Variants in KCNU1 observed in about 807,000 individuals in gnomAD.
KCNU1 encodes the protein potassium channel subfamily U member 1.
A neutral mutation model predicts 126.8 loss-of-function variants in KCNU1; 93 were observed. The ratio of observed to expected loss-of-function variants is 0.73; its 90% CI spans 0.62 to 0.87. The LOEUF (loss-of-function observed/expected upper bound fraction) is 0.87, where lower values mean the gene tolerates loss of function less well. Ranked by LOEUF, KCNU1 falls within the 40% of genes least tolerant of loss-of-function variation. The probability of loss-of-function intolerance (pLI) is 0.00; values close to 1 mark genes in which losing one functional copy is unlikely to be tolerated. For synonymous variants in KCNU1, 523 were observed against 494.2 expected, an observed-to-expected ratio of 1.06 and a Z score of -0.77; for missense variants, 1,330 against 1,367.1, an observed-to-expected ratio of 0.97 and a Z score of 0.43.
At chr8:36,793,286 T>C (rs1802969890) in intron 2 of KCNU1, among the ~76,000 whole-genome samples, 1 of 152,032 alleles carries the variant, frequency 6.6e-6, no homozygotes, top group Non-Finnish European at 1.5e-5. Flanking sequence ...CACACCAACG[T>C]GGCACATGTA....
intron 19 of KCNU1, among the ~76,000 whole-genome samples, chr8:36,883,464 G>T (rs187402649): frequency 6.6e-6 from 1 of 152,132 alleles, no homozygotes; most frequent in Admixed American, 6.6e-5. Flanking sequence ...ATTTCTCCTT[G>T]TTGTGCTTTG....
intron 3 of KCNU1, among the ~76,000 whole-genome samples, chr8:36,804,685 T>G (rs963116715): frequency 1.3e-5 from 2 of 152,184 alleles, no homozygotes; most frequent in African/African-American, 4.8e-5. Context: ...TAAAATGGAA[T>G]TGGGATTGCA....
chr8:36,845,686 A>G lies in KCNU1; in HGVS notation c.1793+17A>G. 1 of 1,564,392 alleles carries G rather than the reference A, an allele frequency of 6.4e-7. No homozygotes were observed. The highest frequency in any genetic ancestry group is 8.8e-7 in the Non-Finnish European group (1 of 1,134,940). On this transcript the variant is annotated intron_variant, in intron 17 of 26. Transcript: ENST00000399881. ...CGTCAGAAGGTAATTTTATTATTTT[A>G]TGGGGGAAAAGCACTAAAGCAACTA...
intron 10 of KCNU1, among the ~76,000 whole-genome samples, chr8:36,826,039 C>A (rs1804307184): frequency 6.6e-6 from 1 of 151,924 alleles, no homozygotes; most frequent in African/African-American, 2.4e-5. Flanking sequence ...TGTCTTTGAT[C>A]ATTTCTGGAG....
At chr8:36,801,857 C>A (rs879914465) in intron 2 of KCNU1, among the ~76,000 whole-genome samples, 1 of 151,974 alleles carries the variant, frequency 6.6e-6, no homozygotes. Flanking sequence ...CACCTGTAAT[C>A]CCAGCACTTG....
At chr8:36,915,378 G>A (rs908170571) in intron 22 of KCNU1, among the ~76,000 whole-genome samples, 5 of 152,114 alleles carry the variant, frequency 3.3e-5, no homozygotes, top group Non-Finnish European at 2.9e-5. Flanking sequence ...TGTGATCTTG[G>A]GCATGGTATG....
intron 1 of KCNU1, among the ~76,000 whole-genome samples, 184 bp downstream of exon 1, chr8:36,784,789 C>T (rs972742341): frequency 6.6e-6 from 1 of 152,184 alleles, no homozygotes; most frequent in Non-Finnish European, 1.5e-5. Context: ...CCTGAAGAGA[C>T]AGGGCCAAGC....
At chr8:36,806,224 T>A in intron 4 of KCNU1, 45 bp from the exon 5 acceptor site, 2 of 1,277,202 alleles carry the variant, frequency 1.6e-6, no homozygotes, top group East Asian at 4.8e-5. Context: ...CACTTAAAAT[T>A]CTTGAGGGTA....
At chr8:36,891,914 T>C (rs915721245) in intron 19 of KCNU1, among the ~76,000 whole-genome samples, 2 of 152,124 alleles carry the variant, frequency 1.3e-5, no homozygotes, top group African/African-American at 4.8e-5. Flanking sequence ...TCTGAACAAT[T>C]TGATTATGGT....
intron 10 of KCNU1, among the ~76,000 whole-genome samples, chr8:36,824,485 ATGG>A (rs1804244077): frequency 6.6e-6 from 1 of 152,164 alleles, no homozygotes; most frequent in Non-Finnish European, 1.5e-5. Flanking sequence ...TATAGGAAAA[ATGG>A]TACTGTATAT....
chr8:36,854,183 G>C (rs1585464261), intron 18 of KCNU1, among the ~76,000 whole-genome samples: 1 of 152,172 alleles, frequency 6.6e-6, no homozygotes, highest in Admixed American at 6.5e-5. Flanking sequence ...GATTATGACA[G>C]GTCTCCATGT....
intron 2 of KCNU1, among the ~76,000 whole-genome samples, chr8:36,790,708 C>G (rs1365603655): frequency 1.3e-5 from 2 of 152,102 alleles, no homozygotes; most frequent in Non-Finnish European, 2.9e-5. Context: ...ACCACCCTCC[C>G]TTTTTGCCCC....
chr8:36,918,946 T>A (rs559422834), intron 23 of KCNU1, 49 bp downstream of exon 23: 1 of 1,158,274 alleles, frequency 8.6e-7, no homozygotes, highest in East Asian at 2.3e-5. Context: ...TTTTGTGATA[T>A]ATAATTTATG....
In KCNU1 at chr8:36,879,238, T is replaced by TATATATAC. The variant is rs1216880068; in HGVS notation, c.2009+14718_2009+14719insTATATACA. 2.2e-4 allele frequency among the ~76,000 whole-genome samples: 30 copies of TATATATAC among 139,324 alleles called. No individual in the cohort carries two copies. The South Asian group carries it at 3.7e-3, about 17-fold the overall frequency. 91.4% of individuals were successfully genotyped at this position (139,324 alleles called of 152,430 possible). A position where few individuals can be genotyped will look rare whatever the true frequency, so the allele number is the denominator to read the frequency against. On this transcript the variant is annotated intron_variant, in intron 19 of 26. Coordinates refer to ENST00000399881, the MANE Select transcript of KCNU1 (RefSeq NM_001031836.3). ...ATATATATATATATATATATATATA[T>TATATATAC]ACACACACATATATGAAATATATGA...
rs114913360 is a variant in KCNU1, at chr8:36,817,128, G to A, written c.996-522G>A. The stretch of plus-strand genomic sequence containing the variant: ...ATGTTTGGCTTCATATTCTACTTGA[G>A]ATGAGATAGAAGACTGTGGATATCT... On this transcript the variant is annotated intron_variant, in intron 9 of 26. Coordinates refer to ENST00000399881, the MANE Select transcript of KCNU1 (RefSeq NM_001031836.3). Among the ~76,000 whole-genome samples the A allele has an allele frequency of 2.0e-3, 309 of 152,262 alleles. 5 individuals carry two copies. The highest frequency in any genetic ancestry group is 6.0e-3 in the African/African-American group (249 of 41,550).
intron 26 of KCNU1, 48 bp from the exon 27 acceptor site, chr8:36,935,467 A>G (rs960996775): frequency 6.7e-7 from 1 of 1,495,702 alleles, no homozygotes; most frequent in African/African-American, 1.4e-5. Context: ...CTGTTGCCAC[A>G]CTGGCCAGCT....
At chr8:36,822,248 A>T (rs1490337736) in intron 10 of KCNU1, among the ~76,000 whole-genome samples, 1 of 152,110 alleles carries the variant, frequency 6.6e-6, no homozygotes, top group Non-Finnish European at 1.5e-5. Context: ...GTATATATGT[A>T]TCAAACATAT....
intron 19 of KCNU1, among the ~76,000 whole-genome samples, chr8:36,867,197 A>G (rs1474982871): frequency 6.6e-6 from 1 of 152,160 alleles, no homozygotes; most frequent in East Asian, 1.9e-4. Context: ...TGGTTCTGGC[A>G]GAAGGTAGGG....
intron 24 of KCNU1, chr8:36,928,942 T>A (rs75909398): frequency 1.5e-6 from 1 of 685,106 alleles, no homozygotes; most frequent in African/African-American, 1.8e-5. Flanking sequence ...CTCATTAATA[T>A]CACTTCAGAT....
Sources: gnomAD v4.1 joint callset for allele counts (sites outside exome capture counted in the v4.1 genomes callset) on GRCh38, gnomAD v4.1.1 for gene constraint, MANE v1.5 for transcripts, NCBI Gene and HGNC (gene_info 2026-07-23, HGNC 2026-07-21) for gene names.